Variants in CSMD1 observed in about 807,000 individuals in gnomAD.
CSMD1 encodes the protein CUB and sushi domain-containing protein 1.
A neutral mutation model predicts 417.5 loss-of-function variants in CSMD1; 213 were observed. That is an observed-to-expected ratio of 0.51 (90% CI 0.46 to 0.57). The LOEUF is 0.57. CSMD1 is among the 20% of genes least tolerant of loss of function. The pLI, the probability that CSMD1 is intolerant of heterozygous loss-of-function variation, is 0.00. For missense variants in CSMD1, 6,923 were observed against 4,529.7 expected, an observed-to-expected ratio of 1.53 and a Z score of -15.17; for synonymous variants, 2,862 against 1,736.8, an observed-to-expected ratio of 1.65 and a Z score of -16.11.
At chr8:3,838,083 G>A (rs1027832306) in intron 5 of CSMD1, among the ~76,000 whole-genome samples, 3 of 152,098 alleles carry the variant, frequency 2.0e-5, no homozygotes, top group Non-Finnish European at 4.4e-5. Context: ...CTTTGGGAAA[G>A]CTGTAGCAGA....
intron 65 of CSMD1, 55 bp downstream of exon 65, chr8:2,954,169 T>A: frequency 1.0e-6 from 1 of 979,840 alleles, no homozygotes. Flanking sequence ...CTGTGCAGAG[T>A]AGAGAACAAA....
At chr8:4,351,025 C>T (rs1262934609) in intron 3 of CSMD1, among the ~76,000 whole-genome samples, 1 of 152,122 alleles carries the variant, frequency 6.6e-6, no homozygotes, top group Non-Finnish European at 1.5e-5. Flanking sequence ...GTCTTGGCTA[C>T]CTCTATCAAA....
At chr8:3,649,105 G>T (rs934735714) in intron 7 of CSMD1, among the ~76,000 whole-genome samples, 3 of 152,160 alleles carry the variant, frequency 2.0e-5, no homozygotes, top group African/African-American at 7.2e-5. Flanking sequence ...GTCTTACTCA[G>T]TGATTCAGTA....
At chr8:3,671,205 C>CTATGTATAGGGGATG (rs1799015204) in intron 7 of CSMD1, among the ~76,000 whole-genome samples, 1 of 143,138 alleles carries the variant, frequency 7.0e-6, no homozygotes, top group Non-Finnish European at 1.5e-5. Flanking sequence ...TATATGGGAT[C>CTATGTATAGGGGATG]TATGTATAGG....
intron 49 of CSMD1, among the ~76,000 whole-genome samples, chr8:3,061,515 C>T (rs557931913): frequency 1.3e-4 from 20 of 152,146 alleles, no homozygotes; most frequent in Non-Finnish European, 2.5e-4. Context: ...AGGATGCACT[C>T]GAGCAAACAC....
chr8:3,968,530 C>CTT (rs200226007), intron 5 of CSMD1, among the ~76,000 whole-genome samples: 6 of 149,262 alleles, frequency 4.0e-5, no homozygotes, highest in South Asian at 2.1e-4. Flanking sequence ...CTGCAAATGC[C>CTT]ATTTTTTTTC....
At chr8:3,355,681 G>C (rs1356546104) in intron 21 of CSMD1, among the ~76,000 whole-genome samples, 2 of 152,172 alleles carry the variant, frequency 1.3e-5, no homozygotes, top group African/African-American at 4.8e-5. Context: ...GCAAAACTGA[G>C]AGATGCTGAG....
Position 3,409,413 on chromosome 8 carries a change from T to C in CSMD1, c.1744+10A>G, listed in dbSNP as rs1237657457. 6.2e-7 allele frequency: 1 copy of C among 1,603,476 alleles called. No individual in the cohort carries two copies. The highest frequency in any genetic ancestry group is 8.5e-7 in the Non-Finnish European group (1 of 1,174,580). On this transcript the variant is annotated intron_variant, in intron 13 of 69. Transcript: ENST00000635120. Reference sequence around the variant, plus strand: ...ACAGGAGGGAGTCCAGGTCAAGGCATAATACTCACATACACAGCTGGGCTT... The same window carrying C: ...ACAGGAGGGAGTCCAGGTCAAGGCACAATACTCACATACACAGCTGGGCTT...
intron 3 of CSMD1, among the ~76,000 whole-genome samples, chr8:4,055,873 C>T (rs2554528): frequency 0.94 from 142,718 of 152,152 alleles, 66,998 homozygotes; most frequent in East Asian, 0.99. Context: ...TTAAACATAC[C>T]AAAATAGCAC....
chr8:4,143,233 T>C (rs376633941), intron 3 of CSMD1, among the ~76,000 whole-genome samples: 9 of 151,212 alleles, frequency 6.0e-5, no homozygotes, highest in South Asian at 2.1e-4. Flanking sequence ...CTAAACCCTC[T>C]TATAGGGTTA....
At chr8:4,128,116 C>G (rs138905871) in intron 3 of CSMD1, among the ~76,000 whole-genome samples, 1 of 152,184 alleles carries the variant, frequency 6.6e-6, no homozygotes, top group Admixed American at 6.5e-5. Context: ...CTGGCAAACA[C>G]TGTCAGGCCA....
At chr8:3,300,763 C>T (rs924606887) in intron 25 of CSMD1, among the ~76,000 whole-genome samples, 1 of 151,666 alleles carries the variant, frequency 6.6e-6, no homozygotes, top group African/African-American at 2.4e-5. Context: ...TTGAGACTAG[C>T]CTGGCAACAG....
At chr8:3,801,970 C>T (rs2129072917) in intron 5 of CSMD1, among the ~76,000 whole-genome samples, 1 of 152,100 alleles carries the variant, frequency 6.6e-6, no homozygotes, top group East Asian at 1.9e-4. Context: ...AGGTACAGAA[C>T]ATTTTTTAGG....
Position 4,702,968 on chromosome 8 carries a change from A to C in CSMD1, c.86-65410T>G, listed in dbSNP as rs188083208. On this transcript the variant is annotated intron_variant, in intron 1 of 69. Coordinates refer to ENST00000635120, the MANE Select transcript of CSMD1 (RefSeq NM_033225.6). ...CTTAGGGTCTCAAAATATACTTTTAAAAGTAGGTACTCTCAAAAAAGAATG... is the reference window on the plus strand; with the variant it reads ...CTTAGGGTCTCAAAATATACTTTTACAAGTAGGTACTCTCAAAAAAGAATG... 7.6e-3 allele frequency among the ~76,000 whole-genome samples: 1,155 copies of C among 152,318 alleles called. 57 individuals carry two copies. The highest frequency in any genetic ancestry group is 0.072 in the Admixed American group (1,094 of 15,292).
chr8:4,699,704 CCAGA>C (rs1315055974), intron 1 of CSMD1, among the ~76,000 whole-genome samples: 4 of 151,988 alleles, frequency 2.6e-5, no homozygotes, highest in African/African-American at 7.3e-5. Flanking sequence ...TAAAAATCTC[CCAGA>C]CAATTTATGA....
At chr8:4,250,450 T>C (rs1585097249) in intron 3 of CSMD1, among the ~76,000 whole-genome samples, 1 of 152,234 alleles carries the variant, frequency 6.6e-6, no homozygotes, top group East Asian at 1.9e-4. Flanking sequence ...GCGTAATACA[T>C]GAGTGATATT....
At chr8:4,523,068 C>A (rs897624904) in intron 2 of CSMD1, among the ~76,000 whole-genome samples, 3 of 152,122 alleles carry the variant, frequency 2.0e-5, no homozygotes, top group African/African-American at 7.2e-5. Flanking sequence ...GCAAAATTCA[C>A]AGATATAGAA....
At chr8:4,426,014 T>C (rs1349935570) in intron 2 of CSMD1, among the ~76,000 whole-genome samples, 1 of 151,812 alleles carries the variant, frequency 6.6e-6, no homozygotes, top group Admixed American at 6.6e-5. Context: ...CATTTTAAAA[T>C]GTGTTTTCCA....
rs779589233 is a variant in CSMD1, at chr8:3,151,407, G to T, written c.6021C>A (p.Pro2007=). The change falls in exon 40 of 70, where the codon CCC becomes CCA. Residue 2007 remains proline (P), a synonymous_variant. Transcript: ENST00000635120. ...AACATTTTCACTTACCATAGCCGAT[G>T]GGTAATGAGATCCTCCAGGTGCAGT... ...NLDCTWRISL[P]IGYGAHIQFL... is the part of the protein sequence containing the mutation. 3.7e-6 allele frequency: 6 copies of T among 1,607,476 alleles called. No individual in the cohort carries two copies. Among genetic ancestry groups the T allele is most frequent in the Non-Finnish European group, 5.1e-6 (6 of 1,174,388 alleles).
Sources: allele counts gnomAD v4.1 joint callset (sites outside exome capture counted in the v4.1 genomes callset), GRCh38; gene constraint gnomAD v4.1.1; transcripts MANE v1.5; gene names NCBI Gene and HGNC (gene_info 2026-07-23, HGNC 2026-07-21).